The following RBMS1 variants were observed in gnomAD, a reference collection of about 807,000 sequenced individuals.
The protein encoded by RBMS1 is RNA-binding motif, single-stranded-interacting protein 1.
A neutral mutation model predicts 62.3 loss-of-function variants in RBMS1; 17 were observed. That is an observed-to-expected ratio of 0.27 (90% CI 0.19 to 0.41). The LOEUF is 0.41. RBMS1 is among the 10% of genes least tolerant of loss of function. The pLI is 1.00. For synonymous variants in RBMS1, 172 were observed against 170.0 expected (o/e 1.01, Z -0.09); for missense variants, 334 against 504.5 (o/e 0.66, Z 3.24).
intron 1 of RBMS1, among the ~76,000 whole-genome samples, chr2:160,439,539 CG>C (rs1559552445): frequency 6.6e-6 from 1 of 151,728 alleles, no homozygotes; most frequent in African/African-American, 2.4e-5. Flanking sequence ...GATGGGATGG[CG>C]GCCGGGCAGA....
At chr2:160,481,078 T>TAAAA (rs71006610) in intron 1 of RBMS1, among the ~76,000 whole-genome samples, 1 of 112,486 alleles carries the variant, frequency 8.9e-6, no homozygotes, top group Admixed American at 9.5e-5. Context: ...GAGACTGCCT[T>TAAAA]AAAAAAAAAA....
At chr2:160,439,150 C>T (rs1296722645) in intron 1 of RBMS1, among the ~76,000 whole-genome samples, 3 of 146,438 alleles carry the variant, frequency 2.0e-5, no homozygotes, top group African/African-American at 7.6e-5. Context: ...GGGGCTGATC[C>T]CCCCACCTCC....
intron 3 of RBMS1, among the ~76,000 whole-genome samples, chr2:160,314,417 G>A (rs1690100101): frequency 1.3e-5 from 2 of 152,088 alleles, no homozygotes; most frequent in Non-Finnish European, 2.9e-5. Context: ...TAGAAGAGGA[G>A]CTAGCCCTAT....
Position 160,367,407 on chromosome 2 carries a change from CAGG to C in RBMS1, c.76-19_76-17del. On this transcript the variant is annotated splice_polypyrimidine_tract_variant and intron_variant, in intron 1 of 13. Transcript: ENST00000348849. ...CCAGAGACTGCTGGAAAACAAAGAT[CAGG>C]AGCCTTAGTATGCTAGCATTAGGAG... 1 of 1,613,826 alleles carries C rather than the reference CAGG, an allele frequency of 6.2e-7. No individual in the cohort carries two copies. The highest frequency in any genetic ancestry group is 8.5e-7 in the Non-Finnish European group (1 of 1,179,832).
In RBMS1 at chr2:160,318,176, T is replaced by A; in HGVS notation, c.303A>T (p.Lys101Asn). 6.3e-7 allele frequency: 1 copy of A among 1,590,570 alleles called. No homozygotes were observed. Among genetic ancestry groups the A allele is most frequent in the Non-Finnish European group, 8.5e-7 (1 of 1,172,828 alleles). The change falls in exon 3 of 14, where the codon AAA becomes AAT. Residue 101 changes from lysine to asparagine, a missense_variant. Transcript: ENST00000348849. ...CCAGCCAAGAAAACATACCTTTGCA[T>A]TTGTTCGTTGTCTTATCCAAAATTG... ...TKAILDKTTN[K>N]CKGYGFVDFD...
chr2:160,415,811 A>C (rs1005625276), intron 1 of RBMS1, among the ~76,000 whole-genome samples: 1 of 152,156 alleles, frequency 6.6e-6, no homozygotes, highest in African/African-American at 2.4e-5. Flanking sequence ...AGTTGCTAAA[A>C]TTACCATTAA....
chr2:160,460,515 G>C (rs570585945), intron 1 of RBMS1, among the ~76,000 whole-genome samples: 7 of 152,360 alleles, frequency 4.6e-5, no homozygotes, highest in Non-Finnish European at 1.0e-4. Context: ...CCACAGGTCA[G>C]TGGGGTGTGA....
Position 160,368,263 on chromosome 2 carries a change from A to T in RBMS1, c.76-872T>A, listed in dbSNP as rs1693518606. 1.3e-5 allele frequency among the ~76,000 whole-genome samples: 2 copies of T among 152,188 alleles called. 1 individual carries two copies. Among genetic ancestry groups the T allele is most frequent in the South Asian group, 4.1e-4 (2 of 4,836 alleles). On this transcript the variant is annotated intron_variant, in intron 1 of 13. Transcript: ENST00000348849. The stretch of plus-strand genomic sequence containing the variant: ...CCAAGTGTCCTCACAGCAAACGCGC[A>T]GCAATTTCACACCAGGACAGGGACG...
chr2:160,393,505 C>T (rs923568876), intron 1 of RBMS1, among the ~76,000 whole-genome samples: 1 of 152,110 alleles, frequency 6.6e-6, no homozygotes, highest in East Asian at 1.9e-4. Context: ...TGGCCGGGCG[C>T]GGTGGCTCAC....
chr2:160,423,136 T>C (rs529712938), intron 1 of RBMS1, among the ~76,000 whole-genome samples: 1 of 152,324 alleles, frequency 6.6e-6, no homozygotes, highest in Admixed American at 6.5e-5. Context: ...TGAACTTCTC[T>C]ATAACATACC....
intron 12 of RBMS1, among the ~76,000 whole-genome samples, chr2:160,276,430 C>T (rs892457341): frequency 2.0e-5 from 3 of 152,032 alleles, no homozygotes; most frequent in African/African-American, 4.8e-5. Flanking sequence ...CCTCCACCAA[C>T]AGGCCAGAGT....
chr2:160,324,165 T>G (rs1016633862), intron 2 of RBMS1, among the ~76,000 whole-genome samples: 4 of 152,252 alleles, frequency 2.6e-5, no homozygotes, highest in African/African-American at 9.6e-5. Context: ...CCTGAAGTCC[T>G]GGATATGATT....
chr2:160,386,674 C>G (rs1397496179), intron 1 of RBMS1, among the ~76,000 whole-genome samples: 1 of 152,080 alleles, frequency 6.6e-6, no homozygotes, highest in Non-Finnish European at 1.5e-5. Context: ...CATGAAAATA[C>G]AGCAGTCAGC....
intron 6 of RBMS1, among the ~76,000 whole-genome samples, chr2:160,289,654 T>G (rs1688579708): frequency 6.6e-6 from 1 of 152,168 alleles, no homozygotes; most frequent in African/African-American, 2.4e-5. Context: ...AGAGTGTACC[T>G]AATCTCATGA....
At chr2:160,374,865 G>T (rs371444798) in intron 1 of RBMS1, among the ~76,000 whole-genome samples, 4 of 152,114 alleles carry the variant, frequency 2.6e-5, no homozygotes, top group African/African-American at 7.2e-5. Flanking sequence ...AGGAGGCAGA[G>T]GTTATAGTGA....
intron 1 of RBMS1, among the ~76,000 whole-genome samples, chr2:160,397,064 C>T (rs948562700): frequency 1.3e-5 from 2 of 152,120 alleles, no homozygotes; most frequent in East Asian, 1.9e-4. Context: ...AATGTCAAAC[C>T]CTATATAAAC....
intron 1 of RBMS1, among the ~76,000 whole-genome samples, chr2:160,478,280 A>C (rs1685225820): frequency 6.6e-6 from 1 of 152,208 alleles, no homozygotes; most frequent in Non-Finnish European, 1.5e-5. Flanking sequence ...ACTTATGGGA[A>C]GAAAAGTTTT....
intron 1 of RBMS1, among the ~76,000 whole-genome samples, chr2:160,455,862 T>G (rs532915458): frequency 6.6e-6 from 1 of 151,862 alleles, no homozygotes; most frequent in East Asian, 2.0e-4. Context: ...TTTTTGTATT[T>G]TTAGTAGAGA....
chr2:160,403,199 C>A (rs80058494), intron 1 of RBMS1, among the ~76,000 whole-genome samples: 2,312 of 152,258 alleles, frequency 0.015, 40 homozygotes, highest in Non-Finnish European at 0.02. Flanking sequence ...ACCACAAATA[C>A]ACAGAGATAA....
Sources: gnomAD v4.1 joint callset for allele counts (sites outside exome capture counted in the v4.1 genomes callset) on GRCh38, gnomAD v4.1.1 for gene constraint, MANE v1.5 for transcripts, NCBI Gene and HGNC (gene_info 2026-07-23, HGNC 2026-07-21) for gene names.